CCDC9B: variants seen among roughly 807,000 people sequenced by gnomAD.
The protein encoded by CCDC9B is coiled-coil domain containing 9B.
A neutral mutation model predicts 47.2 loss-of-function variants in CCDC9B; 40 were observed. That is an observed-to-expected ratio of 0.85 (90% CI 0.66 to 1.10). The LOEUF is 1.10. CCDC9B is among the 50% of genes least tolerant of loss of function. The pLI, the probability that CCDC9B is intolerant of heterozygous loss-of-function variation, is 0.00. For synonymous variants in CCDC9B, 238 were observed against 250.7 expected (o/e 0.95, Z 0.48); for missense variants, 662 against 651.0 (o/e 1.02, Z -0.18).
rs1335785917 is a variant in CCDC9B at position 40,335,668 on chromosome 15, C to T, written c.963G>A (p.Glu321=). ...CGCTCTGCTTCTGGGCTTGCTCCTC[C>T]TCACTGGGAGTCTCTCTGGTGCTTT... The part of the protein sequence containing the change: ...GSQSTRETPS[E]EEQAQKQSGM... The change falls in exon 11 of 11, where the codon GAG becomes GAA. Residue 321 remains glutamate, a synonymous_variant. Coordinates refer to ENST00000397536, the MANE Select transcript of CCDC9B (RefSeq NM_207380.3). The T allele has an allele frequency of 1.3e-6, 2 of 1,545,984 alleles. No homozygotes were observed. Among genetic ancestry groups the T allele is most frequent in the African/African-American group, 2.7e-5 (2 of 73,388 alleles).
At position 40,338,743 on chromosome 15, in the gene CCDC9B, C is replaced by A; in HGVS notation, c.387+5G>T. On this transcript the variant is annotated splice_donor_5th_base_variant and intron_variant, in intron 4 of 10. Coordinates refer to ENST00000397536, the MANE Select transcript of CCDC9B (RefSeq NM_207380.3). ...GATGCCTGCACTCCCCACCACCCTG[C>A]TCACCTCTGCTTTGTTCTCCATGGT... is the stretch of plus-strand genomic sequence containing the variant. The A allele has an allele frequency of 6.2e-7, 1 of 1,611,906 alleles. No homozygotes were observed. Among genetic ancestry groups the A allele is most frequent in the Non-Finnish European group, 8.5e-7 (1 of 1,178,434 alleles).
At position 40,337,896 on chromosome 15, in the gene CCDC9B, G is replaced by A. The variant is rs925623885; in HGVS notation, c.514-3C>T. 11 of 1,593,030 alleles carry A rather than the reference G, an allele frequency of 6.9e-6. No individual in the cohort carries two copies. Among genetic ancestry groups the A allele is most frequent in the Non-Finnish European group, 9.4e-6 (11 of 1,170,128 alleles). On this transcript the variant is annotated splice_region_variant and splice_polypyrimidine_tract_variant and intron_variant, in intron 5 of 10. Transcript: ENST00000397536. ...CGGCTCCAGGGCTCCCAAGAACCCT[G>A]TAGGGAGAAGACACTCAGAGTGAGG...
chr15:40,335,955 G>C (rs902359357), intron 9 of CCDC9B, 129 bp from the exon 10 acceptor site: 1 of 1,515,316 alleles, frequency 6.6e-7, no homozygotes, highest in Non-Finnish European at 8.8e-7. Context: ...CCATGGTTTA[G>C]GCCTCACACT....
chr15:40,340,260 T>C (rs1595715011), intron 1 of CCDC9B: 2 of 530,358 alleles, frequency 3.8e-6, no homozygotes, highest in East Asian at 6.4e-5. Flanking sequence ...AAGCCACAGC[T>C]CCCAGCAGTG....
chr15:40,338,091 G>A (rs1340123210), intron 5 of CCDC9B, 198 bp from the exon 6 acceptor site: 1 of 732,038 alleles, frequency 1.4e-6, no homozygotes, highest in Admixed American at 2.0e-5. Flanking sequence ...ACCTCTCTGT[G>A]TCTCATTTCC....
rs576768166 is a variant in CCDC9B at position 40,339,760 on chromosome 15, C to G, written c.124-141G>C. On this transcript the variant is annotated intron_variant, in intron 2 of 10. Coordinates refer to ENST00000397536, the MANE Select transcript of CCDC9B (RefSeq NM_207380.3). The stretch of plus-strand genomic sequence containing the variant: ...CATCACACATCCCCAGGACCCTCAC[C>G]AAGCCTCTAAGAGGGACCATGCCCA... 99 of 1,461,044 alleles carry G rather than the reference C, an allele frequency of 6.8e-5. No individual in the cohort carries two copies. In the African/African-American group the frequency reaches 1.3e-3, roughly 19 times the overall value. The allele number at this position is 1,461,044 out of a possible 1,614,324, so 90.5% of individuals were successfully genotyped here.
intron 3 of CCDC9B, chr15:40,339,182 T>C (rs2141248910): frequency 1.7e-6 from 1 of 593,086 alleles, no homozygotes; most frequent in South Asian, 2.0e-5. Context: ...ACACTGCTCC[T>C]GGCATTCAGC....
At position 40,338,797 on chromosome 15, in the gene CCDC9B, C is replaced by T. The variant is rs758480769; in HGVS notation, c.338G>A (p.Cys113Tyr). The T allele has an allele frequency of 6.2e-7, 1 of 1,614,158 alleles. No homozygotes were observed. Among genetic ancestry groups the T allele is most frequent in the Non-Finnish European group, 8.5e-7 (1 of 1,179,976 alleles). ...AGCCAGCTCCACCAGCTCCCCTAAG[C>T]AGAAAGTACCCCCGTGGTCCTCAGC... ...EDAEDHGGTFCLGELVELAVT... is the reference protein window; with the variant it reads ...EDAEDHGGTFYLGELVELAVT... Residue 113 changes from cysteine (C) to tyrosine (Y), a missense_variant, in exon 4 of 11, where the codon TGC becomes TAC. Physicochemically the swap from Cys to Tyr is radical, Grantham distance 194. Transcript: ENST00000397536.
intron 7 of CCDC9B, chr15:40,337,061 T>G: frequency 1.7e-6 from 1 of 601,286 alleles, no homozygotes; most frequent in South Asian, 2.0e-5. Flanking sequence ...GGACCAGAAC[T>G]CCACAGAGCT....
intron 1 of CCDC9B, chr15:40,340,499 C>T: frequency 2.3e-6 from 1 of 441,770 alleles, no homozygotes; most frequent in Non-Finnish European, 4.0e-6. Context: ...AGGCCTGTGC[C>T]CAGCCTGGAG....
At chr15:40,336,518 C>A (rs1888962382) in intron 9 of CCDC9B, 56 bp downstream of exon 9, 4 of 1,592,218 alleles carry the variant, frequency 2.5e-6, no homozygotes, top group Non-Finnish European at 2.6e-6. Flanking sequence ...TGTACTGGTC[C>A]AGGAAATTGG....
intron 6 of CCDC9B, 127 bp from the exon 7 acceptor site, chr15:40,337,573 A>T: frequency 8.4e-7 from 1 of 1,186,786 alleles, no homozygotes; most frequent in Non-Finnish European, 1.2e-6. Context: ...CCCAAGAAAG[A>T]TGGGAGACCC....
Position 40,335,533 on chromosome 15 carries a change from G to C in CCDC9B, c.1098C>G (p.Cys366Trp). The C allele has an allele frequency of 6.5e-7, 1 of 1,531,734 alleles. No homozygotes were observed. Among genetic ancestry groups the C allele is most frequent in the Non-Finnish European group, 8.8e-7 (1 of 1,138,536 alleles). The allele number at this position is 1,531,734 out of a possible 1,614,324, so 94.9% of individuals were successfully genotyped here. A position where few individuals can be genotyped will look rare whatever the true frequency, so the allele number is the denominator to read the frequency against. ...SVASTASSVP[C>W]SPQEPDLAPL... Reference sequence around the variant, plus strand: ...GAGCCAAGTCAGGCTCCTGTGGAGAGCAGGGGACTGAGCTGGCTGTGGAAG... The same window carrying C: ...GAGCCAAGTCAGGCTCCTGTGGAGACCAGGGGACTGAGCTGGCTGTGGAAG... The change falls in exon 11 of 11, where the codon TGC becomes TGG. Residue 366 changes from cysteine to tryptophan, a missense_variant. Transcript: ENST00000397536.
intron 5 of CCDC9B, chr15:40,338,227 AC>A (rs1352579065): frequency 1.5e-6 from 1 of 683,894 alleles, no homozygotes; most frequent in East Asian, 2.7e-5. Context: ...GGCTGCTGCC[AC>A]CTAGAGGTCA....
In CCDC9B at chr15:40,340,032, C is replaced by A. The variant is rs1354716049; in HGVS notation, c.13-17G>T. On this transcript the variant is annotated splice_polypyrimidine_tract_variant and intron_variant, in intron 1 of 10. Transcript: ENST00000397536. ...GGGAGTTCCCTGCAGAGGCAGGGAA[C>A]CCAAGCTCCTGACTTCCGGGTCCCC... The A allele has an allele frequency of 6.4e-7, 1 of 1,556,510 alleles. No individual in the cohort carries two copies. Among genetic ancestry groups the A allele is most frequent in the South Asian group, 1.1e-5 (1 of 89,700 alleles).
Position 40,334,951 on chromosome 15 carries a change from A to G in CCDC9B, c.*207T>C. On this transcript the variant is annotated 3_prime_UTR_variant, in exon 11 of 11. Transcript: ENST00000397536. ...ACCAGGGGCTGTGCCCGTGCGTGAA[A>G]ACACACATGTGCACAGAGATGAGCG... is the stretch of plus-strand genomic sequence containing the variant. 2.3e-6 allele frequency: 1 copy of G among 435,286 alleles called. No individual in the cohort carries two copies. The highest frequency in any genetic ancestry group is 4.1e-5 in the Admixed American group (1 of 24,674). 27.0% of individuals were successfully genotyped at this position (435,286 alleles called of 1,614,324 possible).
In CCDC9B at chr15:40,337,721, C is replaced by T. The variant is rs1482903592; in HGVS notation, c.683+3G>A. On this transcript the variant is annotated splice_donor_region_variant and intron_variant, in intron 6 of 10. Transcript: ENST00000397536. The stretch of plus-strand genomic sequence containing the variant: ...AGGCAACCTGCCCAACCCAGCCACC[C>T]ACGTGGACTTGGCCTTGTCCAGGTC... 2 of 1,590,652 alleles carry T rather than the reference C, an allele frequency of 1.3e-6. No individual in the cohort carries two copies. The highest frequency in any genetic ancestry group is 1.1e-5 in the South Asian group (1 of 88,470).
Position 40,335,502 on chromosome 15 carries a change from C to G in CCDC9B, c.1129G>C (p.Asp377His). The G allele has an allele frequency of 6.4e-7, 1 of 1,566,104 alleles. No individual in the cohort carries two copies. Among genetic ancestry groups the G allele is most frequent in the Non-Finnish European group, 8.7e-7 (1 of 1,153,710 alleles). The part of the protein sequence containing the change: ...SPQEPDLAPL[D>H]LSLGGAGIPG... The stretch of plus-strand genomic sequence containing the variant: ...ATGCCAGCCCCTCCTAGGGAGAGGT[C>G]AAGAGGAGCCAAGTCAGGCTCCTGT... The change falls in exon 11 of 11, where the codon GAC (aspartate) becomes CAC (histidine). Residue 377 changes from aspartate (D) to histidine (H), a missense_variant. Physicochemically the swap from Asp to His is moderately conservative, Grantham distance 81 (BLOSUM62 -1). Transcript: ENST00000397536.
chr15:40,337,531 C>T (rs905695400), intron 6 of CCDC9B, 85 bp from the exon 7 acceptor site: 17 of 1,324,978 alleles, frequency 1.3e-5, no homozygotes, highest in Middle Eastern at 2.7e-4. Context: ...GAAGCCCAGG[C>T]CCAGAATTGA....
Sources: allele counts gnomAD v4.1 joint callset, GRCh38; gene constraint gnomAD v4.1.1; transcripts MANE v1.5; gene names NCBI Gene and HGNC (gene_info 2026-07-23, HGNC 2026-07-21).